Variants in FNIP2 observed in about 807,000 individuals in gnomAD.
FNIP2 encodes folliculin-interacting protein 2.
FNIP2 carries 32 observed loss-of-function variants against 108.7 expected under a neutral mutation model. The ratio of observed to expected loss-of-function variants is 0.29; its 90% confidence interval spans 0.22 to 0.40. The LOEUF is 0.40. Ranked by LOEUF, FNIP2 falls within the 10% of genes least tolerant of loss-of-function variation. The pLI, the probability that FNIP2 is intolerant of heterozygous loss-of-function variation, is 1.00. For missense variants in FNIP2, 1,202 were observed against 1,381.6 expected, an observed-to-expected ratio of 0.87 and a Z score of 2.06; for synonymous variants, 480 against 496.7, an observed-to-expected ratio of 0.97 and a Z score of 0.45.
chr4:158,772,986 C>T lies in FNIP2; in HGVS notation c.107+3667C>T, dbSNP rs183140388. ...TGACTAAGGGCCGGATTGTGATTTA[C>T]TCTTCCCTCACATGGAGGGAAATTA... On this transcript the variant is annotated intron_variant, in intron 1 of 16. Transcript: ENST00000264433. Among the ~76,000 whole-genome samples the T allele has an allele frequency of 6.6e-4, 100 of 152,248 alleles. 1 individual carries two copies. The highest frequency in any genetic ancestry group is 2.2e-3 in the African/African-American group (92 of 41,550).
chr4:158,892,190 T>C (rs1782321656), intron 15 of FNIP2, among the ~76,000 whole-genome samples: 1 of 147,650 alleles, frequency 6.8e-6, no homozygotes, highest in Admixed American at 6.9e-5. Flanking sequence ...GAGTGAGTAG[T>C]GCAGTGGCAT....
intron 7 of FNIP2, among the ~76,000 whole-genome samples, chr4:158,838,121 C>A (rs1195632047): frequency 6.6e-6 from 1 of 151,964 alleles, no homozygotes; most frequent in Non-Finnish European, 1.5e-5. Flanking sequence ...GGATGAAGGC[C>A]CAAGTTCTGA....
At chr4:158,892,373 A>C (rs927983754) in intron 15 of FNIP2, among the ~76,000 whole-genome samples, 1 of 152,028 alleles carries the variant, frequency 6.6e-6, no homozygotes, top group African/African-American at 2.4e-5. Flanking sequence ...GGGCTCAAGC[A>C]ATCCGCTTCT....
intron 2 of FNIP2, among the ~76,000 whole-genome samples, chr4:158,827,024 G>A (rs1029199650): frequency 5.9e-5 from 9 of 152,218 alleles, no homozygotes; most frequent in Admixed American, 6.5e-5. Flanking sequence ...CTGCAGGAAG[G>A]AAGTGTTTGG....
chr4:158,796,558 T>C lies in FNIP2; in HGVS notation c.107+27239T>C, dbSNP rs937529844. Among the ~76,000 whole-genome samples, 22 of 152,178 alleles carry C rather than the reference T, an allele frequency of 1.4e-4. 1 individual carries two copies. Among genetic ancestry groups the C allele is most frequent in the African/African-American group, 1.2e-4 (5 of 41,418 alleles). Reference sequence around the variant, plus strand: ...CAAAATCATTATTTGCCAGGTATCATTGTGGCCAAAGTTATTTATCTTGGC... The same window carrying C: ...CAAAATCATTATTTGCCAGGTATCACTGTGGCCAAAGTTATTTATCTTGGC... On this transcript the variant is annotated intron_variant, in intron 1 of 16. Transcript: ENST00000264433.
At chr4:158,794,328 A>AT (rs34183178) in intron 1 of FNIP2, among the ~76,000 whole-genome samples, 47,192 of 151,404 alleles carry the variant, frequency 0.31, 9,731 homozygotes, top group East Asian at 0.84. Flanking sequence ...TTAAAAAAAA[A>AT]TTTTTTTTGT....
chr4:158,883,236 GTTTTTTGTT>G (rs1171493271), intron 14 of FNIP2, among the ~76,000 whole-genome samples: 2 of 135,518 alleles, frequency 1.5e-5, no homozygotes, highest in African/African-American at 2.5e-5. Context: ...GTGTGTGTGT[GTTTTTTGTT>G]TTTTTTGTTT....
chr4:158,841,208 T>C (rs151315407), intron 7 of FNIP2, among the ~76,000 whole-genome samples: 352 of 152,222 alleles, frequency 2.3e-3, no homozygotes, highest in African/African-American at 7.7e-3. Context: ...CTTCAGAGAA[T>C]GGGACAGGGG....
In FNIP2 at chr4:158,868,526, C is replaced by A. The variant is rs766821262; in HGVS notation, c.1890C>A (p.Ser630Arg). ...RRPEQGSEAC[S>R]AGCLGPASDA... ...CAGAGCAGGGTTCTGAGGCTTGCAG[C>A]GCAGGGTGCCTGGGGCCAGCATCAG... is the stretch of plus-strand genomic sequence containing the variant. The change falls in exon 13 of 17, where the codon AGC becomes AGA. Residue 630 changes from serine (S) to arginine (R), a missense_variant. Physicochemically the swap from Ser to Arg is moderately radical, Grantham distance 110. Coordinates refer to ENST00000264433, the MANE Select transcript of FNIP2 (RefSeq NM_020840.3). This position sits in a 1 kb window ranked among gnomAD's most constrained non-coding sequence, Gnocchi z 4.6. 3.1e-6 allele frequency: 5 copies of A among 1,613,852 alleles called. No homozygotes were observed. The East Asian group carries it at 1.1e-4, about 36-fold the overall frequency.
intron 1 of FNIP2, among the ~76,000 whole-genome samples, chr4:158,775,148 A>C (rs1052613263): frequency 6.6e-6 from 1 of 152,186 alleles, no homozygotes; most frequent in Admixed American, 6.5e-5. Context: ...GGCTGCCAGC[A>C]TGAACTCCTG....
At chr4:158,841,170 G>T (rs1779111094) in intron 7 of FNIP2, among the ~76,000 whole-genome samples, 1 of 152,118 alleles carries the variant, frequency 6.6e-6, no homozygotes, top group African/African-American at 2.4e-5. Context: ...CAACAGGGTG[G>T]GGGCTTCTCA....
chr4:158,830,647 G>C (rs1315852920), intron 3 of FNIP2, among the ~76,000 whole-genome samples: 1 of 152,136 alleles, frequency 6.6e-6, no homozygotes, highest in African/African-American at 2.4e-5. Flanking sequence ...TTGTGTGTCT[G>C]TGTGTGTGTA....
At chr4:158,896,147 C>T (rs917304176) in intron 16 of FNIP2, among the ~76,000 whole-genome samples, 1 of 152,140 alleles carries the variant, frequency 6.6e-6, no homozygotes, top group African/African-American at 2.4e-5. Context: ...AAATTTAATC[C>T]CACACTGCCC....
chr4:158,875,539 T>TATATGC (rs1474470268), intron 14 of FNIP2, among the ~76,000 whole-genome samples: 11 of 144,182 alleles, frequency 7.6e-5, no homozygotes, highest in African/African-American at 2.5e-4. Context: ...TATATATATA[T>TATATGC]ATGCTCATGA....
intron 8 of FNIP2, among the ~76,000 whole-genome samples, chr4:158,856,299 A>C (rs1323211555): frequency 6.6e-6 from 1 of 152,242 alleles, no homozygotes; most frequent in Non-Finnish European, 1.5e-5. Context: ...ACATAGGTTC[A>C]GTATAAGTTC....
In FNIP2 at chr4:158,769,173, G is replaced by A; in HGVS notation, c.-40G>A. On this transcript the variant is annotated 5_prime_UTR_variant, in exon 1 of 17. Transcript: ENST00000264433. Reference sequence around the variant, plus strand: ...CCCCCGGCTGCGCGCTGAGCCGCCGGCCCCCCGAGCGCCACGGCCGGAGCT... The same window carrying A: ...CCCCCGGCTGCGCGCTGAGCCGCCGACCCCCCGAGCGCCACGGCCGGAGCT... 5.3e-6 allele frequency: 6 copies of A among 1,130,502 alleles called. No individual in the cohort carries two copies. The highest frequency in any genetic ancestry group is 6.7e-6 in the Non-Finnish European group (6 of 895,970). The allele number at this position is 1,130,502 out of a possible 1,614,324, so 70.0% of individuals were successfully genotyped here.
intron 14 of FNIP2, among the ~76,000 whole-genome samples, chr4:158,870,732 C>T (rs549372236): frequency 3.9e-5 from 6 of 152,356 alleles, no homozygotes; most frequent in South Asian, 4.1e-4. Flanking sequence ...GGACGAGGGG[C>T]GGCCTGGCTG....
intron 1 of FNIP2, among the ~76,000 whole-genome samples, chr4:158,822,865 T>G (rs1777959038): frequency 1.3e-5 from 2 of 152,198 alleles, no homozygotes; most frequent in African/African-American, 4.8e-5. Context: ...AAATACATAC[T>G]TTTCCCCTCT....
chr4:158,893,641 T>C, intron 15 of FNIP2: 1 of 1,431,330 alleles, frequency 7.0e-7, no homozygotes, highest in Non-Finnish European at 9.7e-7. Flanking sequence ...TCTTATTTTT[T>C]GTTATACAGT....
Sources: gnomAD v4.1 joint callset for allele counts (sites outside exome capture counted in the v4.1 genomes callset) on GRCh38, gnomAD v4.1.1 for gene constraint, Gnocchi (gnomAD v3.1) non-coding constraint, MANE v1.5 for transcripts, NCBI Gene and HGNC (gene_info 2026-07-23, HGNC 2026-07-21) for gene names.